RIPOR2: variants seen among roughly 807,000 people sequenced by gnomAD.
The protein encoded by RIPOR2 is rho family-interacting cell polarization regulator 2.
In RIPOR2, 39 loss-of-function variants were observed where a neutral mutation model predicts 114.5. The ratio of observed to expected loss-of-function variants is 0.34; its 90% CI spans 0.26 to 0.44. The LOEUF (loss-of-function observed/expected upper bound fraction) is 0.44. RIPOR2 is among the 20% of genes least tolerant of loss of function. The probability of loss-of-function intolerance (pLI) is 1.00; values close to 1 mark genes in which losing one functional copy is unlikely to be tolerated. For missense variants in RIPOR2, 1,007 were observed against 1,255.1 expected, an observed-to-expected ratio of 0.80 and a Z score of 2.99; for synonymous variants, 445 against 484.4, an observed-to-expected ratio of 0.92 and a Z score of 1.07.
At chr6:24,836,005 G>A in intron 14 of RIPOR2, 134 bp from the exon 15 acceptor site, 1 of 786,256 alleles carries the variant, frequency 1.3e-6, no homozygotes, top group Non-Finnish European at 2.0e-6. Context: ...GAAAAATAGA[G>A]ACACCTTTAA....
intron 1 of RIPOR2, among the ~76,000 whole-genome samples, chr6:25,031,743 ATATAT>A (rs1776979991): frequency 2.6e-5 from 2 of 75,528 alleles, no homozygotes; most frequent in Non-Finnish European, 5.9e-5. Flanking sequence ...ATATATATAT[ATATAT>A]ATAAAATATC....
chr6:24,994,063 G>T (rs1774945288), intron 1 of RIPOR2, among the ~76,000 whole-genome samples: 1 of 152,062 alleles, frequency 6.6e-6, no homozygotes, highest in African/African-American at 2.4e-5. Context: ...TAAATGTATT[G>T]TTCTTTGTTA....
intron 21 of RIPOR2, among the ~76,000 whole-genome samples, chr6:24,807,775 A>G (rs1259582236): frequency 6.6e-6 from 1 of 152,170 alleles, no homozygotes; most frequent in Non-Finnish European, 1.5e-5. Flanking sequence ...AAATCATTCC[A>G]TACTAGTTGG....
intron 1 of RIPOR2, among the ~76,000 whole-genome samples, chr6:24,949,479 G>C (rs371265463): frequency 1.3e-5 from 2 of 152,182 alleles, no homozygotes; most frequent in Non-Finnish European, 1.5e-5. Flanking sequence ...TGCACGTGAA[G>C]GGTCTCAGGG....
intron 1 of RIPOR2, among the ~76,000 whole-genome samples, chr6:24,879,567 A>G (rs1233037470): frequency 6.6e-6 from 1 of 152,232 alleles, no homozygotes; most frequent in African/African-American, 2.4e-5. Context: ...GAGAGTCATA[A>G]AACAAGCACG....
intron 1 of RIPOR2, among the ~76,000 whole-genome samples, chr6:24,963,766 GTCC>G (rs1265205169): frequency 1.4e-5 from 2 of 147,920 alleles, no homozygotes; most frequent in Non-Finnish European, 3.0e-5. Flanking sequence ...GTGTGTATTT[GTCC>G]TCCTTGGCAT....
intron 10 of RIPOR2, 147 bp from the exon 11 acceptor site, chr6:24,850,097 C>CTTTTTTTTTTTT: frequency 2.3e-6 from 1 of 436,758 alleles, no homozygotes; most frequent in Non-Finnish European, 3.9e-6. Flanking sequence ...TTTTCTTTTT[C>CTTTTTTTTTTTT]TTTTTTTTTT....
intron 1 of RIPOR2, among the ~76,000 whole-genome samples, chr6:25,034,549 T>C (rs1251955191): frequency 6.6e-6 from 1 of 152,230 alleles, no homozygotes; most frequent in Non-Finnish European, 1.5e-5. Context: ...TAATTTTCTG[T>C]TACCAACCAG....
At chr6:24,966,036 T>A (rs1230231149) in intron 1 of RIPOR2, among the ~76,000 whole-genome samples, 1 of 152,190 alleles carries the variant, frequency 6.6e-6, no homozygotes. Context: ...AATGATTGCT[T>A]TATTAGAAAA....
chr6:24,819,519 C>CTT (rs142511353), intron 19 of RIPOR2, among the ~76,000 whole-genome samples: 2 of 145,618 alleles, frequency 1.4e-5, no homozygotes, highest in Admixed American at 6.9e-5. Context: ...AGTACATTAT[C>CTT]TTTTTTTTTT....
At position 24,849,882 on chromosome 6, in the gene RIPOR2, C is replaced by T. The variant is rs775173643; in HGVS notation, c.954G>A (p.Leu318=). The part of the protein sequence containing the change: ...VGSVTCETKE[L]FAARPQVVAV... ...CCACTACCTGAGGTCGGGCTGCAAA[C>T]AGCTCTTTGGTCTCACAGGTCACGC... Residue 318 remains leucine, a synonymous_variant, in exon 11 of 22, where the codon CTG becomes CTA. Coordinates refer to ENST00000643898, the MANE Select transcript of RIPOR2 (RefSeq NM_001286445.3). 3.1e-6 allele frequency: 5 copies of T among 1,613,932 alleles called. No individual in the cohort carries two copies. In the East Asian group the frequency reaches 1.1e-4, roughly 36 times the overall value.
chr6:24,861,692 C>T (rs917334184), intron 7 of RIPOR2, among the ~76,000 whole-genome samples: 1 of 152,080 alleles, frequency 6.6e-6, no homozygotes, highest in African/African-American at 2.4e-5. Context: ...TTTTATTTGC[C>T]AATTACAAAT....
chr6:25,005,736 T>TATAC (rs1554130545), intron 1 of RIPOR2, among the ~76,000 whole-genome samples: 2 of 100,252 alleles, frequency 2.0e-5, no homozygotes, highest in African/African-American at 7.2e-5. Flanking sequence ...TATATATATA[T>TATAC]ATATACATTT....
chr6:24,990,007 G>A (rs942048976), intron 1 of RIPOR2, among the ~76,000 whole-genome samples: 38 of 151,534 alleles, frequency 2.5e-4, no homozygotes, highest in African/African-American at 9.2e-4. Flanking sequence ...CTTCACCCTG[G>A]GCTATAGCAT....
intron 1 of RIPOR2, among the ~76,000 whole-genome samples, chr6:24,888,008 A>G (rs1401980055): frequency 1.4e-5 from 2 of 147,816 alleles, no homozygotes; most frequent in Non-Finnish European, 3.0e-5. Context: ...TGTACACTAC[A>G]TGGCAAACCA....
Position 24,806,465 on chromosome 6 carries a change from C to G in RIPOR2, c.3052G>C (p.Gly1018Arg). 1 of 1,550,528 alleles carries G rather than the reference C, an allele frequency of 6.4e-7. No individual in the cohort carries two copies. The highest frequency in any genetic ancestry group is 8.7e-7 in the Non-Finnish European group (1 of 1,146,086). The change falls in exon 22 of 22, where the codon GGG becomes CGG. Residue 1018 changes from glycine (G) to arginine (R), a missense_variant. Transcript: ENST00000643898. ...TCCAATTGTTCATATGCCAGCCGCC[C>G]ATCTTCTCCTAAATACAGAACATTA... is the stretch of plus-strand genomic sequence containing the variant. ...SETLLSLGED[G>R]RLAYEQLDKF...
chr6:25,016,029 G>A (rs919490608), intron 1 of RIPOR2, among the ~76,000 whole-genome samples: 2 of 150,458 alleles, frequency 1.3e-5, no homozygotes, highest in Non-Finnish European at 3.0e-5. Flanking sequence ...TCAGCTTCCG[G>A]AGTAGCTGGG....
intron 12 of RIPOR2, among the ~76,000 whole-genome samples, chr6:24,844,107 A>G (rs1347676752): frequency 1.3e-5 from 2 of 152,220 alleles, no homozygotes; most frequent in East Asian, 3.8e-4. Flanking sequence ...CACACCATAA[A>G]TAATTCAAGG....
At chr6:25,004,104 T>C (rs1775440099) in intron 1 of RIPOR2, among the ~76,000 whole-genome samples, 1 of 152,200 alleles carries the variant, frequency 6.6e-6, no homozygotes. Flanking sequence ...GGTTGTGACA[T>C]GTTCATTGTC....
Sources: gnomAD v4.1 joint callset for allele counts (sites outside exome capture counted in the v4.1 genomes callset) on GRCh38, gnomAD v4.1.1 for gene constraint, MANE v1.5 for transcripts, NCBI Gene and HGNC (gene_info 2026-07-23, HGNC 2026-07-21) for gene names.